The following SFMBT2 variants were observed in gnomAD, a reference collection of about 807,000 sequenced individuals.
SFMBT2 encodes the protein scm-like with four MBT domains protein 2.
SFMBT2 carries 38 observed loss-of-function variants against 110.1 expected under a neutral mutation model. The observed-to-expected ratio is 0.35, with a 90% confidence interval of 0.27 to 0.45. The LOEUF (loss-of-function observed/expected upper bound fraction) is 0.45. SFMBT2 is among the 20% of genes least tolerant of loss of function. SFMBT2 has a pLI of 1.00. For missense variants in SFMBT2, 1,011 were observed against 1,094.9 expected (o/e 0.92, Z 1.08); for synonymous variants, 425 against 425.4 (o/e 1.00, Z 0.01).
rs560829366 is a variant in SFMBT2 at position 7,186,457 on chromosome 10, C to T, written c.1808+2167G>A. Among the ~76,000 whole-genome samples, 517 of 110,374 alleles carry T rather than the reference C, an allele frequency of 4.7e-3. 5 individuals are homozygous for T. The highest frequency in any genetic ancestry group is 0.019 in the African/African-American group (471 of 24,298). 72.4% of individuals were successfully genotyped at this position (110,374 alleles called of 152,430 possible). A position where few individuals can be genotyped will look rare whatever the true frequency, so the allele number is the denominator to read the frequency against. The stretch of plus-strand genomic sequence containing the variant: ...ACACACACACACACACACACACACA[C>T]ACATATATATATATATAAAAATATT... On this transcript the variant is annotated intron_variant, in intron 16 of 20. Transcript: ENST00000397167.
rs1838500502 is a variant in SFMBT2 at position 7,188,661 on chromosome 10, G to C, written c.1771C>G (p.Pro591Ala). 2 of 1,613,620 alleles carry C rather than the reference G, an allele frequency of 1.2e-6. No homozygotes were observed. Among genetic ancestry groups the C allele is most frequent in the Non-Finnish European group, 1.7e-6 (2 of 1,179,792 alleles). Residue 591 changes from proline to alanine, a missense_variant, in exon 16 of 21, where the codon CCC becomes GCC. Pro to Ala is a conservative substitution (Grantham distance 27). This residue lies in a region of SFMBT2 where 979 missense variants were observed against 1,016.1 expected (regional missense o/e 0.96). Coordinates refer to ENST00000397167, the MANE Select transcript of SFMBT2 (RefSeq NM_001387889.1). Reference sequence around the variant, plus strand: ...GTCTCTTCCTGGAAATTCCAGTGGGGATCTTCTACCAGCTGTAATTCTCTT... The same window carrying C: ...GTCTCTTCCTGGAAATTCCAGTGGGCATCTTCTACCAGCTGTAATTCTCTT... ...VLRELQLVED[P>A]HWNFQEETLK...
In SFMBT2 at chr10:7,392,058, T is replaced by G. The variant is rs1464166835; in HGVS notation, c.-51-10109A>C. Among the ~76,000 whole-genome samples the G allele has an allele frequency of 1.3e-5, 2 of 152,166 alleles. 1 individual carries two copies. Among genetic ancestry groups the G allele is most frequent in the South Asian group, 4.1e-4 (2 of 4,828 alleles). On this transcript the variant is annotated intron_variant, in intron 1 of 20. Transcript: ENST00000397167. Reference sequence around the variant, plus strand: ...TCCTACATCTCTGATGTCTCCTTAATGTAGAATCCCAGAAGTTAAATTATA... The same window carrying G: ...TCCTACATCTCTGATGTCTCCTTAAGGTAGAATCCCAGAAGTTAAATTATA...
intron 4 of SFMBT2, among the ~76,000 whole-genome samples, chr10:7,326,847 T>G (rs1843399743): frequency 6.6e-6 from 1 of 152,224 alleles, no homozygotes; most frequent in Non-Finnish European, 1.5e-5. Flanking sequence ...ACCGCTCTTT[T>G]GCTTCCAAAG....
At chr10:7,248,476 C>T (rs929109237) in intron 8 of SFMBT2, 72 bp downstream of exon 8, 9 of 1,258,750 alleles carry the variant, frequency 7.1e-6, no homozygotes, top group South Asian at 1.2e-5. Flanking sequence ...GTCATCTGGT[C>T]GTCTTTGAGT....
Position 7,162,186 on chromosome 10 carries a change from C to T in SFMBT2, c.*1584G>A, listed in dbSNP as rs191013847. On this transcript the variant is annotated 3_prime_UTR_variant, in exon 21 of 21. Coordinates refer to ENST00000397167, the MANE Select transcript of SFMBT2 (RefSeq NM_001387889.1). Reference sequence around the variant, plus strand: ...ACCTGGCGGATTTAACACAACTGCCCAGGAAATTCCACAAGCAAACTCAAA... The same window carrying T: ...ACCTGGCGGATTTAACACAACTGCCTAGGAAATTCCACAAGCAAACTCAAA... 1.3e-5 allele frequency: 2 copies of T among 151,840 alleles called. No individual in the cohort carries two copies. Among genetic ancestry groups the T allele is most frequent in the Non-Finnish European group, 1.5e-5 (1 of 68,034 alleles). The allele number at this position is 151,840 out of a possible 1,614,324, so 9.4% of individuals were successfully genotyped here.
intron 4 of SFMBT2, among the ~76,000 whole-genome samples, chr10:7,307,407 A>C (rs1842728123): frequency 6.6e-6 from 1 of 152,232 alleles, no homozygotes; most frequent in African/African-American, 2.4e-5. Flanking sequence ...GAACACCAAC[A>C]AACTAGGGAC....
At chr10:7,165,195 T>C (rs1037414251) in intron 20 of SFMBT2, among the ~76,000 whole-genome samples, 1 of 152,110 alleles carries the variant, frequency 6.6e-6, no homozygotes, top group Non-Finnish European at 1.5e-5. Context: ...TTAAGTGAGC[T>C]CTACATACTG....
intron 11 of SFMBT2, 82 bp from the exon 12 acceptor site, chr10:7,206,010 C>A: frequency 1.3e-6 from 2 of 1,547,678 alleles, no homozygotes; most frequent in South Asian, 1.2e-5. Flanking sequence ...ATAGAGCATC[C>A]CTAACATGGG....
intron 1 of SFMBT2, among the ~76,000 whole-genome samples, chr10:7,387,992 C>T (rs1365234687): frequency 6.6e-6 from 1 of 151,350 alleles, no homozygotes; most frequent in Non-Finnish European, 1.5e-5. Context: ...GTGGAGGTAC[C>T]AGCAGCAAAC....
chr10:7,214,738 G>A (rs1239868503), intron 11 of SFMBT2: 1 of 985,474 alleles, frequency 1.0e-6, no homozygotes, highest in Non-Finnish European at 1.2e-6. Context: ...GCTGTGCACA[G>A]CACAGATTCC....
chr10:7,395,730 G>T (rs1845906819), intron 1 of SFMBT2, among the ~76,000 whole-genome samples: 1 of 140,644 alleles, frequency 7.1e-6, no homozygotes, highest in African/African-American at 2.7e-5. Flanking sequence ...GCTTGTAACA[G>T]TCTCCATTTT....
chr10:7,279,566 T>C (rs1053885653), intron 6 of SFMBT2, among the ~76,000 whole-genome samples: 12 of 152,214 alleles, frequency 7.9e-5, no homozygotes, highest in Non-Finnish European at 1.0e-4. Flanking sequence ...CAATAAATAG[T>C]ACCATTCAAA....
At chr10:7,312,835 C>T (rs760759015) in intron 4 of SFMBT2, among the ~76,000 whole-genome samples, 3 of 152,132 alleles carry the variant, frequency 2.0e-5, no homozygotes, top group Non-Finnish European at 4.4e-5. Flanking sequence ...TAATTACTTA[C>T]CAGGTAAACA....
upstream of SFMBT2, among the ~76,000 whole-genome samples, chr10:7,411,067 T>C (rs1353523740): frequency 2.1e-5 from 2 of 94,478 alleles, no homozygotes; most frequent in African/African-American, 5.5e-5. Flanking sequence ...TCGGCGCTCT[T>C]TTTTTTTTTT....
intron 7 of SFMBT2, among the ~76,000 whole-genome samples, chr10:7,265,136 C>CTCCCTCCCTCCCTCCT (rs36231289): frequency 5.3e-5 from 7 of 132,064 alleles, no homozygotes; most frequent in African/African-American, 1.1e-4. Context: ...ATGCTGAGAT[C>CTCCCTCCCTCCCTCCT]TCCCTCCCTC....
chr10:7,348,065 A>G (rs1844174801), intron 4 of SFMBT2: 1 of 384,424 alleles, frequency 2.6e-6, no homozygotes, highest in Non-Finnish European at 4.6e-6. Context: ...ATTACTCCAA[A>G]TAACAGTACA....
chr10:7,213,003 T>A (rs1439497429), intron 11 of SFMBT2, among the ~76,000 whole-genome samples: 1 of 151,976 alleles, frequency 6.6e-6, no homozygotes, highest in Non-Finnish European at 1.5e-5. Context: ...CACTGTACGT[T>A]CTCACTCATA....
chr10:7,230,864 G>A (rs114980442), intron 9 of SFMBT2, among the ~76,000 whole-genome samples: 2,159 of 152,134 alleles, frequency 0.014, 26 homozygotes, highest in African/African-American at 0.047. Flanking sequence ...ACCCGGAGGC[G>A]GAGATTGCTG....
rs138094018 is a variant in SFMBT2 at position 7,408,787 on chromosome 10, G to A, written c.-52+2074C>T. On this transcript the variant is annotated intron_variant, in intron 1 of 20. Transcript: ENST00000397167. This position sits in a 1 kb window ranked among gnomAD's most constrained non-coding sequence, Gnocchi z 5.7. ...GGCTCCTCTGCCTGACCCCGATTTT[G>A]TCTCCGAACTCCACTCCCAGATCCT... 1,046 of 152,502 alleles carry A rather than the reference G, an allele frequency of 6.9e-3. 5 individuals carry two copies. The highest frequency in any genetic ancestry group is 0.024 in the African/African-American group (993 of 41,556). The allele number at this position is 152,502 out of a possible 1,614,324, so 9.4% of individuals were successfully genotyped here. A position where few individuals can be genotyped will look rare whatever the true frequency, so the allele number is the denominator to read the frequency against.
Sources: gnomAD v4.1 joint callset for allele counts (sites outside exome capture counted in the v4.1 genomes callset) on GRCh38, gnomAD v4.1.1 for gene constraint, gnomAD v4.1.1 regional missense constraint, Gnocchi (gnomAD v3.1) non-coding constraint, MANE v1.5 for transcripts, NCBI Gene and HGNC (gene_info 2026-07-23, HGNC 2026-07-21) for gene names.